The following FAM219A variants were observed in gnomAD, a reference collection of about 807,000 sequenced individuals.
FAM219A encodes protein FAM219A.
FAM219A carries 7 observed loss-of-function variants against 23.4 expected under a neutral mutation model. That is an observed-to-expected ratio of 0.30 (90% CI 0.17 to 0.56). The LOEUF (loss-of-function observed/expected upper bound fraction) is 0.56. FAM219A is among the 20% of genes least tolerant of loss of function. The pLI, the probability that FAM219A is intolerant of heterozygous loss-of-function variation, is 0.92. For missense variants in FAM219A, 166 were observed against 246.9 expected (o/e 0.67, Z 2.20); for synonymous variants, 93 against 99.0 (o/e 0.94, Z 0.36).
intron 1 of FAM219A, among the ~76,000 whole-genome samples, chr9:34,421,009 T>TGTGTGTGAGAGA (rs1554677406): frequency 2.3e-5 from 2 of 86,356 alleles, no homozygotes; most frequent in Non-Finnish European, 4.4e-5. Context: ...TGTGTGTGTG[T>TGTGTGTGAGAGA]GAGAGAGAGA....
chr9:34,431,277 CA>C (rs1460869629), intron 1 of FAM219A, among the ~76,000 whole-genome samples: 1 of 152,182 alleles, frequency 6.6e-6, no homozygotes. Flanking sequence ...ACAAAGTGGC[CA>C]TAGGGGAGGA....
chr9:34,439,564 A>C (rs2131998274), intron 1 of FAM219A, among the ~76,000 whole-genome samples: 1 of 152,274 alleles, frequency 6.6e-6, no homozygotes, highest in East Asian at 1.9e-4. Flanking sequence ...AAGTCTAGGG[A>C]TTGTCCTCTG....
chr9:34,406,018 C>A, intron 1 of FAM219A, 54 bp from the exon 2 acceptor site: 2 of 1,519,372 alleles, frequency 1.3e-6, no homozygotes, highest in Non-Finnish European at 9.0e-7. Flanking sequence ...AGACAGGGGG[C>A]TGCTCTCAGT....
chr9:34,449,768 TAAAC>T (rs1172375582), intron 1 of FAM219A, among the ~76,000 whole-genome samples: 2 of 152,238 alleles, frequency 1.3e-5, no homozygotes, highest in East Asian at 1.9e-4. Context: ...AACACTGAAT[TAAAC>T]AAAGTTGAAA....
At chr9:34,421,639 T>C (rs1822288763) in intron 1 of FAM219A, among the ~76,000 whole-genome samples, 2 of 151,478 alleles carry the variant, frequency 1.3e-5, no homozygotes, top group Non-Finnish European at 2.9e-5. Context: ...CCCCTACAGC[T>C]CTACAACCCA....
chr9:34,405,837 A>T, intron 2 of FAM219A, 28 bp downstream of exon 2: 1 of 1,609,126 alleles, frequency 6.2e-7, no homozygotes, highest in Non-Finnish European at 8.5e-7. Context: ...TACTCCCCAC[A>T]TCTCCCTCAC....
chr9:34,402,573 T>C (rs780177544), intron 3 of FAM219A, 106 bp from the exon 4 acceptor site: 2 of 1,560,622 alleles, frequency 1.3e-6, no homozygotes, highest in Non-Finnish European at 1.7e-6. Flanking sequence ...CCTCCCCACC[T>C]TGGATCCTGT....
At chr9:34,432,323 C>G (rs1822744761) in intron 1 of FAM219A, among the ~76,000 whole-genome samples, 1 of 152,192 alleles carries the variant, frequency 6.6e-6, no homozygotes, top group Non-Finnish European at 1.5e-5. Context: ...CCACCCTCAC[C>G]TCTTCCTACC....
At chr9:34,455,074 G>C (rs1198324680) in intron 1 of FAM219A, among the ~76,000 whole-genome samples, 1 of 152,124 alleles carries the variant, frequency 6.6e-6, no homozygotes, top group Non-Finnish European at 1.5e-5. Flanking sequence ...CACACTGTGG[G>C]CTCAAGGGCA....
At chr9:34,446,191 C>T (rs959807286) in intron 1 of FAM219A, among the ~76,000 whole-genome samples, 6 of 146,620 alleles carry the variant, frequency 4.1e-5, no homozygotes, top group African/African-American at 7.6e-5. Flanking sequence ...AAAAAAAATG[C>T]GGGGCGGGGG....
chr9:34,443,371 A>G (rs1454520355), intron 1 of FAM219A, among the ~76,000 whole-genome samples: 1 of 152,128 alleles, frequency 6.6e-6, no homozygotes. Flanking sequence ...AATCTCTTCC[A>G]GAGATCAGTG....
At chr9:34,405,096 C>A (rs900576989) in intron 2 of FAM219A, among the ~76,000 whole-genome samples, 1 of 152,154 alleles carries the variant, frequency 6.6e-6, no homozygotes, top group Non-Finnish European at 1.5e-5. Flanking sequence ...TAAATTCTTT[C>A]CTGTATGTCC....
rs1042063678 is a variant in FAM219A at position 34,398,277 on chromosome 9, T to A, written c.*2687A>T. 9 of 1,550,352 alleles carry A rather than the reference T, an allele frequency of 5.8e-6. No individual in the cohort carries two copies. Among genetic ancestry groups the A allele is most frequent in the South Asian group, 4.8e-5 (4 of 84,056 alleles). On this transcript the variant is annotated 3_prime_UTR_variant, in exon 6 of 6. Transcript: ENST00000651358. ...ACTGCAATGAAAATGTTAAAAAAAA[T>A]ATTATACACGGCTCATGTCTTCCAC...
intron 1 of FAM219A, among the ~76,000 whole-genome samples, chr9:34,419,861 G>T (rs887306901): frequency 2.0e-5 from 3 of 152,152 alleles, no homozygotes; most frequent in African/African-American, 7.2e-5. Flanking sequence ...CAACTTGTCT[G>T]CAATGGACAA....
At chr9:34,450,964 G>A (rs562513401) in intron 1 of FAM219A, among the ~76,000 whole-genome samples, 193 of 152,202 alleles carry the variant, frequency 1.3e-3, no homozygotes, top group African/African-American at 4.4e-3. Context: ...ATACCTCACC[G>A]CCATCACAGA....
intron 1 of FAM219A, among the ~76,000 whole-genome samples, chr9:34,443,332 C>T (rs866780847): frequency 5.9e-5 from 9 of 152,194 alleles, no homozygotes; most frequent in African/African-American, 1.9e-4. Flanking sequence ...GCCCTCTACA[C>T]GTCCCCCAGC....
intron 1 of FAM219A, among the ~76,000 whole-genome samples, chr9:34,438,819 A>C (rs1823041041): frequency 6.6e-6 from 1 of 152,246 alleles, no homozygotes. Context: ...AGATAAGAGA[A>C]TAAAAGCAGG....
intron 1 of FAM219A, among the ~76,000 whole-genome samples, chr9:34,453,004 G>C (rs570396020): frequency 6.6e-6 from 1 of 152,202 alleles, no homozygotes; most frequent in African/African-American, 2.4e-5. Context: ...TTCTTACTTG[G>C]TGTTTGTTTG....
chr9:34,405,835 A>C (rs1821612857), intron 2 of FAM219A, 30 bp downstream of exon 2: 4 of 1,606,834 alleles, frequency 2.5e-6, no homozygotes, highest in East Asian at 2.2e-5. Context: ...CCTACTCCCC[A>C]CATCTCCCTC....
Sources: gnomAD v4.1 joint callset for allele counts (sites outside exome capture counted in the v4.1 genomes callset) on GRCh38, gnomAD v4.1.1 for gene constraint, MANE v1.5 for transcripts, NCBI Gene and HGNC (gene_info 2026-07-23, HGNC 2026-07-21) for gene names.